Variants in DCC observed in about 807,000 individuals in gnomAD.
DCC encodes DCC netrin 1 receptor, also known as netrin receptor DCC.
Under a neutral mutation model 172.5 loss-of-function variants are expected in DCC, and 58 were observed. The observed-to-expected ratio is 0.34, with a 90% CI of 0.27 to 0.42. The LOEUF is 0.42. Ranked by LOEUF, DCC falls within the 10% of genes least tolerant of loss-of-function variation. The pLI is 1.00. For missense variants in DCC, 1,740 were observed against 1,791.0 expected (o/e 0.97, Z 0.51); for synonymous variants, 709 against 644.5 (o/e 1.10, Z -1.52).
At chr18:52,874,494 T>C (rs529976509) in intron 2 of DCC, among the ~76,000 whole-genome samples, 8 of 152,318 alleles carry the variant, frequency 5.3e-5, no homozygotes, top group Admixed American at 3.9e-4. Flanking sequence ...TTATTCTTTA[T>C]TCTCAGGCTT....
At chr18:52,998,719 C>T (rs1274907399) in intron 5 of DCC, among the ~76,000 whole-genome samples, 1 of 152,042 alleles carries the variant, frequency 6.6e-6, no homozygotes, top group African/African-American at 2.4e-5. Flanking sequence ...ATGATCCTTG[C>T]TTTGCTGAGA....
chr18:53,321,722 T>G (rs994330481), intron 13 of DCC, among the ~76,000 whole-genome samples: 1 of 152,216 alleles, frequency 6.6e-6, no homozygotes, highest in Non-Finnish European at 1.5e-5. Flanking sequence ...ACGTGGATCT[T>G]CTGAACAGTA....
At chr18:52,669,357 G>A (rs1189857330) in intron 1 of DCC, among the ~76,000 whole-genome samples, 1 of 152,140 alleles carries the variant, frequency 6.6e-6, no homozygotes, top group African/African-American at 2.4e-5. Context: ...TAATCTTGTG[G>A]CTAATTTGTT....
intron 1 of DCC, among the ~76,000 whole-genome samples, chr18:52,682,307 A>C (rs2035761705): frequency 6.6e-6 from 1 of 152,100 alleles, no homozygotes. Context: ...TACTGATACA[A>C]AGTGGGCAGA....
chr18:53,168,692 A>G (rs2054964041), intron 8 of DCC, among the ~76,000 whole-genome samples: 1 of 152,176 alleles, frequency 6.6e-6, no homozygotes, highest in Non-Finnish European at 1.5e-5. Context: ...CACGTTCTGC[A>G]CATGTATCCC....
intron 1 of DCC, among the ~76,000 whole-genome samples, chr18:52,556,805 T>G (rs1296973946): frequency 2.0e-5 from 3 of 152,104 alleles, no homozygotes; most frequent in African/African-American, 7.2e-5. Context: ...CCGTCTCACC[T>G]TTGAGCAGCT....
intron 26 of DCC, among the ~76,000 whole-genome samples, chr18:53,495,117 C>A (rs1035070609): frequency 6.6e-6 from 1 of 151,960 alleles, no homozygotes; most frequent in Non-Finnish European, 1.5e-5. Flanking sequence ...AGAGGCCAGG[C>A]GTGGTGACTC....
intron 21 of DCC, among the ~76,000 whole-genome samples, chr18:53,429,450 A>G (rs1402387312): frequency 6.6e-6 from 1 of 151,754 alleles, no homozygotes; most frequent in Non-Finnish European, 1.5e-5. Flanking sequence ...ATTTCATTTT[A>G]TTCGTGTGTG....
intron 20 of DCC, 55 bp downstream of exon 20, chr18:53,410,701 G>A: frequency 9.0e-7 from 1 of 1,116,664 alleles, no homozygotes; most frequent in Non-Finnish European, 1.4e-6. Context: ...TTATAAAATA[G>A]CTTTGCACTC....
intron 5 of DCC, among the ~76,000 whole-genome samples, chr18:53,012,606 C>A (rs1047585331): frequency 1.3e-5 from 2 of 151,930 alleles, no homozygotes; most frequent in Non-Finnish European, 2.9e-5. Context: ...CATAAATATA[C>A]ACACACATAC....
At chr18:52,456,539 TTAAC>T (rs1336119648) in intron 1 of DCC, among the ~76,000 whole-genome samples, 2 of 152,214 alleles carry the variant, frequency 1.3e-5, no homozygotes, top group East Asian at 1.9e-4. Context: ...ACAATATAGT[TTAAC>T]TATATCTAAC....
chr18:53,124,052 T>A (rs934366487), intron 7 of DCC, among the ~76,000 whole-genome samples: 1 of 152,076 alleles, frequency 6.6e-6, no homozygotes, highest in Non-Finnish European at 1.5e-5. Flanking sequence ...ATGCCATTTT[T>A]AAATATTTTA....
chr18:52,478,537 A>C (rs1364202640), intron 1 of DCC, among the ~76,000 whole-genome samples: 3 of 152,186 alleles, frequency 2.0e-5, no homozygotes, highest in African/African-American at 7.2e-5. Context: ...AATACCTGAG[A>C]CTGGGTAAAT....
intron 19 of DCC, among the ~76,000 whole-genome samples, chr18:53,407,770 A>G (rs1299226873): frequency 3.3e-5 from 5 of 151,794 alleles, no homozygotes; most frequent in African/African-American, 9.7e-5. Context: ...ATAGATGTGG[A>G]GATGTGGATC....
chr18:52,694,133 T>G (rs900210377), intron 1 of DCC, among the ~76,000 whole-genome samples: 1 of 151,928 alleles, frequency 6.6e-6, no homozygotes, highest in Non-Finnish European at 1.5e-5. Flanking sequence ...TTCTATGGAG[T>G]TCTTCCCAAA....
At chr18:53,032,901 C>T (rs1406921002) in intron 5 of DCC, among the ~76,000 whole-genome samples, 2 of 152,102 alleles carry the variant, frequency 1.3e-5, no homozygotes, top group Non-Finnish European at 2.9e-5. Context: ...CCCTTTGGCT[C>T]TAAATCTGAG....
intron 1 of DCC, among the ~76,000 whole-genome samples, chr18:52,471,090 C>T (rs1464421424): frequency 6.6e-6 from 1 of 152,194 alleles, no homozygotes; most frequent in Non-Finnish European, 1.5e-5. Flanking sequence ...GTGGTTCATA[C>T]TTGTAATGCC....
At chr18:52,484,936 G>T (rs769783670) in intron 1 of DCC, among the ~76,000 whole-genome samples, 14 of 152,066 alleles carry the variant, frequency 9.2e-5, no homozygotes, top group African/African-American at 2.9e-4. Flanking sequence ...TATTTTTCTG[G>T]AGACCAGGCT....
chr18:53,390,362 T>C (rs780904025), intron 16 of DCC, among the ~76,000 whole-genome samples: 1 of 152,022 alleles, frequency 6.6e-6, no homozygotes, highest in Non-Finnish European at 1.5e-5. Flanking sequence ...GAGTGATGAA[T>C]AGGGGATAGG....
Sources: gnomAD v4.1 joint callset for allele counts (sites outside exome capture counted in the v4.1 genomes callset) on GRCh38, gnomAD v4.1.1 for gene constraint, MANE v1.5 for transcripts, NCBI Gene and HGNC (gene_info 2026-07-23, HGNC 2026-07-21) for gene names.